TBC1D10A: variants seen among roughly 807,000 people sequenced by gnomAD.
TBC1D10A encodes EBP50-PDX interactor of 64 kDa.
Under a neutral mutation model 52.9 loss-of-function variants are expected in TBC1D10A, and 24 were observed. The observed-to-expected ratio is 0.45, with a 90% CI of 0.33 to 0.64. The LOEUF is 0.64. Ranked by LOEUF, TBC1D10A falls within the 30% of genes least tolerant of loss-of-function variation. The pLI is 0.02. For missense variants in TBC1D10A, 602 were observed against 687.9 expected, an observed-to-expected ratio of 0.88 and a Z score of 1.40; for synonymous variants, 278 against 282.9, an observed-to-expected ratio of 0.98 and a Z score of 0.17.
chr22:30,313,957 A>G (rs890528787), intron 1 of TBC1D10A, among the ~76,000 whole-genome samples: 1 of 152,100 alleles, frequency 6.6e-6, no homozygotes, highest in Admixed American at 6.6e-5. Flanking sequence ...CTAATATTCA[A>G]TTAACTTAAC....
In TBC1D10A at chr22:30,293,698, G is replaced by A. The variant is rs750046438; in HGVS notation, c.1003C>T (p.Arg335Trp). 1.7e-5 allele frequency: 27 copies of A among 1,612,496 alleles called. No homozygotes were observed. Among genetic ancestry groups the A allele is most frequent in the South Asian group, 3.3e-5 (3 of 91,072 alleles). The change falls in exon 8 of 9, where the codon CGG (arginine) becomes TGG (tryptophan). Residue 335 changes from arginine (R) to tryptophan (W), a missense_variant. Transcript: ENST00000215790. ...QGQYETIERL[R>W]SLSPKIMQEA... ...TGCATGATCTTGGGGCTGAGGCTCCGCAGTCGCTCGATGGTCTCGTACTGG... is the reference window on the plus strand; with the variant it reads ...TGCATGATCTTGGGGCTGAGGCTCCACAGTCGCTCGATGGTCTCGTACTGG...
chr22:30,294,254 A>C, intron 6 of TBC1D10A, 144 bp from the exon 7 acceptor site: 1 of 917,442 alleles, frequency 1.1e-6, no homozygotes, highest in South Asian at 1.7e-5. Context: ...AGGTGCTAGG[A>C]TACAATGATG....
At chr22:30,311,385 T>C (rs889920827) in intron 1 of TBC1D10A, among the ~76,000 whole-genome samples, 2 of 152,164 alleles carry the variant, frequency 1.3e-5, no homozygotes, top group Non-Finnish European at 2.9e-5. Context: ...AGCCTGGCAC[T>C]CCCTTCTGGG....
intron 1 of TBC1D10A, among the ~76,000 whole-genome samples, chr22:30,310,906 G>A (rs1930412386): frequency 6.6e-6 from 1 of 152,126 alleles, no homozygotes; most frequent in African/African-American, 2.4e-5. Context: ...GCCGAGAAAG[G>A]CAGGGGTGAA....
chr22:30,312,593 AAAAAC>A (rs1230745341), intron 1 of TBC1D10A, among the ~76,000 whole-genome samples: 4 of 152,142 alleles, frequency 2.6e-5, no homozygotes, highest in Non-Finnish European at 5.9e-5. Context: ...AAACAACACA[AAAAAC>A]AAAGAAACTT....
At chr22:30,321,340 G>A (rs1456932334) in intron 1 of TBC1D10A, among the ~76,000 whole-genome samples, 1 of 152,182 alleles carries the variant, frequency 6.6e-6, no homozygotes. Flanking sequence ...CCCAATGCCA[G>A]CTCCATGCTC....
intron 1 of TBC1D10A, among the ~76,000 whole-genome samples, chr22:30,305,813 C>T (rs1930299642): frequency 6.6e-6 from 1 of 152,228 alleles, no homozygotes; most frequent in African/African-American, 2.4e-5. Flanking sequence ...GTGCCCAGGC[C>T]TGAGAGTAGC....
rs1930022665 is a variant in TBC1D10A, at chr22:30,294,171, T to C, written c.706-61A>G. 1.9e-6 allele frequency: 3 copies of C among 1,580,672 alleles called. No individual in the cohort carries two copies. The Admixed American group carries it at 5.1e-5, about 27-fold the overall frequency. ...GGGCTGCAGGAGCCAGGGCAGAGAC[T>C]ACACCCCAGCACCCAGCACCCAGCA... On this transcript the variant is annotated intron_variant, in intron 6 of 8. Transcript: ENST00000215790.
At chr22:30,295,955 AC>A in intron 3 of TBC1D10A, 112 bp from the exon 4 acceptor site, 1 of 903,516 alleles carries the variant, frequency 1.1e-6, no homozygotes. Flanking sequence ...GGCAGTGCCC[AC>A]CCAAGCCCAT....
At chr22:30,294,225 C>T in intron 6 of TBC1D10A, 115 bp from the exon 7 acceptor site, 1 of 1,197,032 alleles carries the variant, frequency 8.4e-7, no homozygotes, top group Non-Finnish European at 1.2e-6. Flanking sequence ...CTACCGCCTG[C>T]AGGGTGTCTG....
In TBC1D10A at chr22:30,292,475, G is replaced by A. The variant is rs1422246846; in HGVS notation, c.1427C>T (p.Pro476Leu). 1 of 1,606,772 alleles carries A rather than the reference G, an allele frequency of 6.2e-7. No homozygotes were observed. Among genetic ancestry groups the A allele is most frequent in the Admixed American group, 1.7e-5 (1 of 59,500 alleles). ...CAAATCCTGAGGGGCTGAGTCCTTG[G>A]GGGCTGAGTCCTTCGGGGGCACATG... ...PQHVPPKDSA[P>L]KDSAPQDLAP... The change falls in exon 9 of 9, where the codon CCC (proline) becomes CTC (leucine). Residue 476 changes from proline to leucine, a missense_variant. This residue lies in a region of TBC1D10A where 265 missense variants were observed against 275.1 expected (regional missense o/e 0.96). Transcript: ENST00000215790.
chr22:30,302,577 G>A (rs367757602), intron 2 of TBC1D10A, among the ~76,000 whole-genome samples: 1 of 152,352 alleles, frequency 6.6e-6, no homozygotes, highest in African/African-American at 2.4e-5. Flanking sequence ...GAAGAGCCCC[G>A]AGGGCAGGGC....
chr22:30,322,083 G>T (rs781546165), intron 1 of TBC1D10A, among the ~76,000 whole-genome samples: 62 of 150,776 alleles, frequency 4.1e-4, no homozygotes, highest in South Asian at 6.3e-4. Flanking sequence ...AAGCTCAAGC[G>T]ATTCTCCTGT....
chr22:30,292,980 G>C, intron 8 of TBC1D10A, 129 bp from the exon 9 acceptor site: 1 of 1,048,740 alleles, frequency 9.5e-7, no homozygotes, highest in Admixed American at 2.1e-5. Context: ...CCCCAGGAAG[G>C]ATGAGGGTCT....
intron 1 of TBC1D10A, 163 bp from the exon 2 acceptor site, chr22:30,304,793 G>T: frequency 7.5e-7 from 1 of 1,337,250 alleles, no homozygotes; most frequent in Non-Finnish European, 9.8e-7. Context: ...AGATGAGAGG[G>T]AACACGCCAC....
At chr22:30,323,331 T>C (rs77200745) in intron 1 of TBC1D10A, among the ~76,000 whole-genome samples, 10,332 of 152,292 alleles carry the variant, frequency 0.068, 437 homozygotes, top group Non-Finnish European at 0.092. Flanking sequence ...AATGAACTGG[T>C]AATGACAACA....
intron 6 of TBC1D10A, 51 bp downstream of exon 6, chr22:30,294,745 G>A (rs372150132): frequency 1.0e-4 from 164 of 1,610,970 alleles, no homozygotes; most frequent in Non-Finnish European, 1.4e-4. Flanking sequence ...GCCTGGAGGG[G>A]CCACAGAGGG....
At chr22:30,302,350 G>T (rs1930217742) in intron 2 of TBC1D10A, among the ~76,000 whole-genome samples, 1 of 152,012 alleles carries the variant, frequency 6.6e-6, no homozygotes, top group South Asian at 2.1e-4. Flanking sequence ...GGGCCCTGCG[G>T]GAAGACAGCA....
At chr22:30,318,913 T>C in intron 1 of TBC1D10A, 1 of 346,986 alleles carries the variant, frequency 2.9e-6, no homozygotes, top group Non-Finnish European at 5.7e-6. Context: ...CCCAACCCAT[T>C]TCCTGGACTA....
Sources: gnomAD v4.1 joint callset for allele counts (sites outside exome capture counted in the v4.1 genomes callset) on GRCh38, gnomAD v4.1.1 for gene constraint, gnomAD v4.1.1 regional missense constraint, MANE v1.5 for transcripts, NCBI Gene and HGNC (gene_info 2026-07-23, HGNC 2026-07-21) for gene names.